P4HA1: variants seen among roughly 807,000 people sequenced by gnomAD.
P4HA1 encodes the protein prolyl 4-hydroxylase subunit alpha 1, also known as prolyl 4-hydroxylase subunit alpha-1.
Under a neutral mutation model 72.8 loss-of-function variants are expected in P4HA1, and 24 were observed. The observed-to-expected ratio is 0.33, with a 90% confidence interval of 0.24 to 0.46. The LOEUF is 0.46. Ranked by LOEUF, P4HA1 falls within the 20% of genes least tolerant of loss-of-function variation. The pLI, the probability that P4HA1 is intolerant of heterozygous loss-of-function variation, is 1.00. For synonymous variants in P4HA1, 201 were observed against 218.8 expected (o/e 0.92, Z 0.72); for missense variants, 446 against 640.6 (o/e 0.70, Z 3.28).
intron 9 of P4HA1, among the ~76,000 whole-genome samples, chr10:73,041,125 T>A (rs1840722662): frequency 6.6e-6 from 1 of 152,160 alleles, no homozygotes; most frequent in Admixed American, 6.5e-5. Flanking sequence ...TTATGGCAAA[T>A]TTAAATTTTC....
At chr10:73,015,629 G>C (rs1839993874) in intron 11 of P4HA1, among the ~76,000 whole-genome samples, 1 of 152,152 alleles carries the variant, frequency 6.6e-6, no homozygotes, top group South Asian at 2.1e-4. Context: ...TGGAGATTTA[G>C]AGTTTATGCC....
rs536523032 is a variant in P4HA1, at chr10:73,034,587, T to A, written c.1149-4217A>T. On this transcript the variant is annotated intron_variant, in intron 9 of 14. Coordinates refer to ENST00000394890, the MANE Select transcript of P4HA1 (RefSeq NM_001017962.3). The stretch of plus-strand genomic sequence containing the variant: ...ATTTCACTTAACATGTGTGTGTGGT[T>A]TTTTTTTTTTTTTTTGGAGACAGGG... Among the ~76,000 whole-genome samples the A allele has an allele frequency of 3.4e-5, 5 of 146,810 alleles. No individual in the cohort carries two copies. The South Asian group carries it at 1.1e-3, about 31-fold the overall frequency.
intron 9 of P4HA1, chr10:73,043,995 A>G (rs1390325235): frequency 1.3e-6 from 2 of 1,513,786 alleles, no homozygotes; most frequent in African/African-American, 1.4e-5. Context: ...TTACTCCAGT[A>G]GCAGGCAATT....
intron 7 of P4HA1, among the ~76,000 whole-genome samples, chr10:73,050,128 C>T (rs1840983867): frequency 2.7e-5 from 4 of 149,840 alleles, no homozygotes; most frequent in South Asian, 4.2e-4. Context: ...ACTGCGCTAC[C>T]GCATTCCAGC....
chr10:73,075,644 G>C (rs150016826), intron 1 of P4HA1, among the ~76,000 whole-genome samples: 1 of 151,746 alleles, frequency 6.6e-6, no homozygotes, highest in Non-Finnish European at 1.5e-5. Context: ...CAAAATGTTA[G>C]AATACATTTT....
At chr10:73,024,311 T>C (rs1241117925) in intron 10 of P4HA1, among the ~76,000 whole-genome samples, 1 of 152,154 alleles carries the variant, frequency 6.6e-6, no homozygotes, top group African/African-American at 2.4e-5. Flanking sequence ...CACAGTGCAA[T>C]CAAATTAGAA....
intron 11 of P4HA1, 122 bp downstream of exon 11, chr10:73,016,724 C>T: frequency 1.6e-6 from 1 of 613,878 alleles, no homozygotes; most frequent in Non-Finnish European, 2.8e-6. Flanking sequence ...TTGCAGTGAG[C>T]CAAGATCGTG....
intron 5 of P4HA1, among the ~76,000 whole-genome samples, chr10:73,066,172 T>C (rs1252962090): frequency 6.6e-6 from 1 of 152,184 alleles, no homozygotes; most frequent in African/African-American, 2.4e-5. Context: ...GCCTAAAAAC[T>C]CTTATGCTAG....
At chr10:73,047,122 A>G (rs779002782) in intron 7 of P4HA1, 21 bp from the exon 8 acceptor site, 2 of 1,521,062 alleles carry the variant, frequency 1.3e-6, no homozygotes, top group South Asian at 2.3e-5. Context: ...AGTTAAGAAT[A>G]TGATGAATAT....
Position 73,038,408 on chromosome 10 carries a change from G to T in P4HA1, c.1148+6573C>A, listed in dbSNP as rs139622605. ...TCACTTTCCCACCAGAATCAAAAAA[G>T]CTTTTCTACCACTCTAAACAGATTA... On this transcript the variant is annotated intron_variant, in intron 9 of 14. Transcript: ENST00000394890. Among the ~76,000 whole-genome samples, 529 of 151,968 alleles carry T rather than the reference G, an allele frequency of 3.5e-3. 3 individuals carry two copies. Among genetic ancestry groups the T allele is most frequent in the Admixed American group, 8.5e-3 (130 of 15,260 alleles).
intron 5 of P4HA1, among the ~76,000 whole-genome samples, chr10:73,058,774 C>CTTT (rs151028824): frequency 2.5e-4 from 31 of 123,812 alleles, no homozygotes; most frequent in African/African-American, 5.1e-4. Flanking sequence ...TTATAGTATG[C>CTTT]TTTTTTTTTT....
chr10:73,073,884 A>G (rs1339408702), intron 2 of P4HA1, 57 bp from the exon 3 acceptor site: 28 of 825,650 alleles, frequency 3.4e-5, no homozygotes, highest in Non-Finnish European at 5.8e-5. Context: ...GTATGTTAAG[A>G]ATAAGAATGA....
At chr10:73,031,787 C>G (rs534994142) in intron 9 of P4HA1, among the ~76,000 whole-genome samples, 1 of 152,078 alleles carries the variant, frequency 6.6e-6, no homozygotes, top group Non-Finnish European at 1.5e-5. Flanking sequence ...TTTTATGATA[C>G]GGGAACTATA....
Position 73,056,261 on chromosome 10 carries a change from C to G in P4HA1, c.464-2671G>C, listed in dbSNP as rs551249616. Among the ~76,000 whole-genome samples, 126 of 152,148 alleles carry G rather than the reference C, an allele frequency of 8.3e-4. 1 individual carries two copies. Among genetic ancestry groups the G allele is most frequent in the African/African-American group, 2.5e-3 (103 of 41,528 alleles). ...CAGATATATCAATTTAATGGAATAG[C>G]ATTTTTCATTAAGAAAGATAATTTC... On this transcript the variant is annotated intron_variant, in intron 5 of 14. Transcript: ENST00000394890.
chr10:73,068,697 G>T (rs1018487220), intron 5 of P4HA1, 149 bp downstream of exon 5: 90 of 616,414 alleles, frequency 1.5e-4, no homozygotes, highest in Non-Finnish European at 1.7e-4. Flanking sequence ...AAGAGAAAGG[G>T]AAGGTGATTC....
intron 5 of P4HA1, among the ~76,000 whole-genome samples, chr10:73,060,751 C>A (rs1407621826): frequency 6.6e-6 from 1 of 152,064 alleles, no homozygotes; most frequent in Non-Finnish European, 1.5e-5. Context: ...AAGATGCTCC[C>A]CACTGGCCTA....
At chr10:73,031,788 G>A (rs1489274760) in intron 9 of P4HA1, among the ~76,000 whole-genome samples, 1 of 152,010 alleles carries the variant, frequency 6.6e-6, no homozygotes, top group Non-Finnish European at 1.5e-5. Context: ...TTTATGATAC[G>A]GGAACTATAT....
chr10:73,071,324 C>T (rs1841557921), intron 4 of P4HA1: 1 of 152,074 alleles, frequency 6.6e-6, no homozygotes, highest in African/African-American at 2.4e-5. Flanking sequence ...GATCCCTGTG[C>T]ATAATAAGTT....
intron 1 of P4HA1, among the ~76,000 whole-genome samples, chr10:73,076,061 CA>C (rs1275128091): frequency 2.6e-5 from 4 of 151,894 alleles, no homozygotes; most frequent in Non-Finnish European, 5.9e-5. Flanking sequence ...GGCAATACAG[CA>C]AGACCCCATC....
Sources: gnomAD v4.1 joint callset for allele counts (sites outside exome capture counted in the v4.1 genomes callset) on GRCh38, gnomAD v4.1.1 for gene constraint, MANE v1.5 for transcripts, NCBI Gene and HGNC (gene_info 2026-07-23, HGNC 2026-07-21) for gene names.